The following FBXL7 variants were observed in gnomAD, a reference collection of about 807,000 sequenced individuals.
The protein encoded by FBXL7 is F-box and leucine rich repeat protein 7, also known as F-box/LRR-repeat protein 7.
In FBXL7, 12 loss-of-function variants were observed where a neutral mutation model predicts 38.3. That is an observed-to-expected ratio of 0.31 (90% CI 0.20 to 0.51). FBXL7 has a LOEUF of 0.51. FBXL7 is among the 20% of genes least tolerant of loss of function. The pLI, the probability that FBXL7 is intolerant of heterozygous loss-of-function variation, is 0.98. For synonymous variants in FBXL7, 297 were observed against 300.9 expected (o/e 0.99, Z 0.13); for missense variants, 567 against 676.4 (o/e 0.84, Z 1.79).
intron 1 of FBXL7, among the ~76,000 whole-genome samples, chr5:15,536,882 T>C (rs574515505): frequency 2.0e-5 from 3 of 152,250 alleles, no homozygotes. Flanking sequence ...CACCCAAATC[T>C]CATCTTGAAT....
intron 2 of FBXL7, among the ~76,000 whole-genome samples, chr5:15,709,340 C>G (rs1442542013): frequency 6.6e-6 from 1 of 152,000 alleles, no homozygotes; most frequent in African/African-American, 2.4e-5. Flanking sequence ...TTGAGACCAG[C>G]CTGGCCAACA....
chr5:15,899,064 A>AAT (rs1218294286), intron 2 of FBXL7, among the ~76,000 whole-genome samples: 24 of 151,714 alleles, frequency 1.6e-4, no homozygotes, highest in East Asian at 1.2e-3. Context: ...ATCATTACAA[A>AAT]ATATATATAT....
chr5:15,686,750 G>T (rs1743027922), intron 2 of FBXL7, among the ~76,000 whole-genome samples: 1 of 152,152 alleles, frequency 6.6e-6, no homozygotes, highest in Non-Finnish European at 1.5e-5. Flanking sequence ...TTAATAGCTT[G>T]GAAGTGCAGT....
chr5:15,794,614 G>A (rs1047231940), intron 2 of FBXL7, among the ~76,000 whole-genome samples: 1 of 152,168 alleles, frequency 6.6e-6, no homozygotes, highest in Non-Finnish European at 1.5e-5. Context: ...TATAAATGGG[G>A]TAGTGAAGGT....
chr5:15,551,750 G>A (rs746876238), intron 1 of FBXL7, among the ~76,000 whole-genome samples: 5 of 152,056 alleles, frequency 3.3e-5, no homozygotes, highest in Non-Finnish European at 5.9e-5. Context: ...TTACATTTTT[G>A]TGTATATCTG....
chr5:15,703,431 T>C (rs1427212870), intron 2 of FBXL7, among the ~76,000 whole-genome samples: 1 of 152,224 alleles, frequency 6.6e-6, no homozygotes, highest in East Asian at 1.9e-4. Context: ...TCGTTTGAAG[T>C]GTCTGGTAAT....
At chr5:15,651,088 C>CTTTT (rs547135923) in intron 2 of FBXL7, among the ~76,000 whole-genome samples, 2 of 142,142 alleles carry the variant, frequency 1.4e-5, no homozygotes, top group Non-Finnish European at 3.1e-5. Flanking sequence ...AAACATACTT[C>CTTTT]TTTTTTTTTT....
chr5:15,539,835 CTTATAAACAATTGT>C lies in FBXL7; in HGVS notation c.37+39129_37+39142del, dbSNP rs571439692. 3.3e-4 allele frequency among the ~76,000 whole-genome samples: 50 copies of C among 152,000 alleles called. No individual in the cohort carries two copies. The East Asian group carries it at 9.3e-3, about 28-fold the overall frequency. On this transcript the variant is annotated intron_variant, in intron 1 of 3. Transcript: ENST00000504595. The stretch of plus-strand genomic sequence containing the variant: ...CTTCTAAAAACTCTTTTTAAAAATT[CTTATAAACAATTGT>C]TTATAAGAATCCTGCATTTTATTCT...
intron 2 of FBXL7, among the ~76,000 whole-genome samples, chr5:15,705,684 G>C (rs1743660692): frequency 6.6e-6 from 1 of 152,094 alleles, no homozygotes; most frequent in Non-Finnish European, 1.5e-5. Context: ...GTTGGATATT[G>C]ATTGATTGCT....
chr5:15,826,921 CTT>C (rs534242338), intron 2 of FBXL7, among the ~76,000 whole-genome samples: 286 of 143,536 alleles, frequency 2.0e-3, no homozygotes, highest in African/African-American at 7.0e-3. Flanking sequence ...GTACCTGTGG[CTT>C]TTTTTTTTTT....
intron 2 of FBXL7, among the ~76,000 whole-genome samples, chr5:15,919,632 C>T (rs1045088267): frequency 6.6e-6 from 1 of 152,044 alleles, no homozygotes. Flanking sequence ...TAAAAAAGTA[C>T]GGTTACATAT....
chr5:15,638,613 G>A (rs896610913), intron 2 of FBXL7, among the ~76,000 whole-genome samples: 7 of 152,052 alleles, frequency 4.6e-5, no homozygotes, highest in African/African-American at 1.7e-4. Flanking sequence ...TGCACATCTC[G>A]GGGGAGGGAG....
Position 15,577,186 on chromosome 5 carries a change from G to A in FBXL7, c.38-38797G>A, listed in dbSNP as rs150444223. Reference sequence around the variant, plus strand: ...CTGACAGGCGTGGTTCACTCTTTACGGTCCGGTGACTAGCTGTGTCCCTTC... The same window carrying A: ...CTGACAGGCGTGGTTCACTCTTTACAGTCCGGTGACTAGCTGTGTCCCTTC... On this transcript the variant is annotated intron_variant, in intron 1 of 3. Coordinates refer to ENST00000504595, the MANE Select transcript of FBXL7 (RefSeq NM_012304.5). Among the ~76,000 whole-genome samples the A allele has an allele frequency of 7.8e-3, 1,182 of 152,202 alleles. 8 individuals are homozygous for A. Among genetic ancestry groups the A allele is most frequent in the Non-Finnish European group, 0.012 (835 of 68,012 alleles).
chr5:15,791,202 TCTTA>T lies in FBXL7; in HGVS notation c.128-136683_128-136680del, dbSNP rs995395158. On this transcript the variant is annotated intron_variant, in intron 2 of 3. Transcript: ENST00000504595. ...GTTAAACCTGAGCACAGTGTCAAGCTCTTACTTAGTAGGTATTCTATACATGGTA... is the reference window on the plus strand; with the variant it reads ...GTTAAACCTGAGCACAGTGTCAAGCTCTTAGTAGGTATTCTATACATGGTA... 5.9e-5 allele frequency among the ~76,000 whole-genome samples: 9 copies of T among 152,286 alleles called. No homozygotes were observed. In the South Asian group the frequency reaches 1.9e-3, roughly 32 times the overall value.
chr5:15,878,506 C>T (rs572508405), intron 2 of FBXL7, among the ~76,000 whole-genome samples: 44 of 152,302 alleles, frequency 2.9e-4, no homozygotes, highest in African/African-American at 1.0e-3. Flanking sequence ...GAGCCTGGAA[C>T]TTATCTTCAA....
At chr5:15,742,971 A>G (rs775599778) in intron 2 of FBXL7, among the ~76,000 whole-genome samples, 2 of 152,164 alleles carry the variant, frequency 1.3e-5, no homozygotes, top group Non-Finnish European at 2.9e-5. Context: ...ACACACTCAC[A>G]TGGAACACCA....
intron 2 of FBXL7, among the ~76,000 whole-genome samples, chr5:15,734,166 C>A (rs6877517): frequency 0.091 from 13,880 of 152,176 alleles, 756 homozygotes; most frequent in South Asian, 0.15. Context: ...CGCCCAGTCC[C>A]TGACCTTGCT....
chr5:15,626,978 A>G (rs1219954612), intron 2 of FBXL7, among the ~76,000 whole-genome samples: 2 of 152,342 alleles, frequency 1.3e-5, no homozygotes, highest in African/African-American at 4.8e-5. Flanking sequence ...AACTGGTAGC[A>G]CAGAGGATGA....
At chr5:15,720,278 T>C (rs866766305) in intron 2 of FBXL7, among the ~76,000 whole-genome samples, 1 of 148,766 alleles carries the variant, frequency 6.7e-6, no homozygotes, top group Admixed American at 6.8e-5. Context: ...TGGGTTTTTC[T>C]CTGAAAACAT....
Sources: gnomAD v4.1 joint callset for allele counts (sites outside exome capture counted in the v4.1 genomes callset) on GRCh38, gnomAD v4.1.1 for gene constraint, MANE v1.5 for transcripts, NCBI Gene and HGNC (gene_info 2026-07-23, HGNC 2026-07-21) for gene names.